The following IL6R variants were observed in gnomAD, a reference collection of about 807,000 sequenced individuals.
IL6R encodes interleukin 6 receptor, also known as interleukin-6 receptor subunit alpha.
Under a neutral mutation model 48.3 loss-of-function variants are expected in IL6R, and 38 were observed. The observed-to-expected ratio is 0.79, with a 90% CI of 0.61 to 1.03. IL6R has a LOEUF of 1.03. Ranked by LOEUF, IL6R falls within the 50% of genes least tolerant of loss-of-function variation. The pLI, the probability that IL6R is intolerant of heterozygous loss-of-function variation, is 0.00. For synonymous variants in IL6R, 264 were observed against 256.2 expected, an observed-to-expected ratio of 1.03 and a Z score of -0.29; for missense variants, 534 against 618.3, an observed-to-expected ratio of 0.86 and a Z score of 1.45.
chr1:154,405,558 C>T lies in IL6R; in HGVS notation c.-72C>T. 3.0e-6 allele frequency: 3 copies of T among 1,005,938 alleles called. No homozygotes were observed. The highest frequency in any genetic ancestry group is 4.3e-6 in the Non-Finnish European group (3 of 704,946). 62.3% of individuals were successfully genotyped at this position (1,005,938 alleles called of 1,614,324 possible). ...GCCCACCGCCCCGCCCCGCCCCTGC[C>T]ACCCCTGCCGCCCGGTTCCCATTAG... On this transcript the variant is annotated 5_prime_UTR_variant, in exon 1 of 10. Coordinates refer to ENST00000368485, the MANE Select transcript of IL6R (RefSeq NM_000565.4). The surrounding 1 kb of genome is among the most constrained non-coding windows in gnomAD (Gnocchi z 5.2).
At chr1:154,418,249 G>T (rs1383903980) in intron 1 of IL6R, among the ~76,000 whole-genome samples, 1 of 152,162 alleles carries the variant, frequency 6.6e-6, no homozygotes, top group African/African-American at 2.4e-5. Flanking sequence ...GAGCCAGGTG[G>T]TTATCTCTGA....
intron 6 of IL6R, among the ~76,000 whole-genome samples, chr1:154,441,242 C>T (rs1689915015): frequency 6.6e-6 from 1 of 152,140 alleles, no homozygotes; most frequent in African/African-American, 2.4e-5. Flanking sequence ...GTGGATGTCC[C>T]TCTTTAAGTT....
At chr1:154,419,008 G>A (rs1688506658) in intron 1 of IL6R, among the ~76,000 whole-genome samples, 1 of 152,082 alleles carries the variant, frequency 6.6e-6, no homozygotes, top group African/African-American at 2.4e-5. Context: ...GAGGGTGGTG[G>A]GGAGCCCAGA....
At chr1:154,444,348 A>G (rs1016955344) in intron 6 of IL6R, among the ~76,000 whole-genome samples, 6 of 151,902 alleles carry the variant, frequency 3.9e-5, no homozygotes, top group Non-Finnish European at 7.4e-5. Context: ...AGCTGGGATT[A>G]CAGGCATGCG....
chr1:154,464,286 C>T (rs1386528553), intron 9 of IL6R, among the ~76,000 whole-genome samples: 1 of 151,922 alleles, frequency 6.6e-6, no homozygotes, highest in East Asian at 1.9e-4. Flanking sequence ...TCCCAAGTAT[C>T]TGGGATTACA....
chr1:154,456,014 G>A (rs544946976), intron 9 of IL6R, among the ~76,000 whole-genome samples: 2 of 151,776 alleles, frequency 1.3e-5, no homozygotes, highest in South Asian at 2.1e-4. Context: ...CCAAGATTGC[G>A]CCACTGCAAT....
At chr1:154,422,135 T>C (rs1191986698) in intron 1 of IL6R, among the ~76,000 whole-genome samples, 1 of 151,920 alleles carries the variant, frequency 6.6e-6, no homozygotes, top group African/African-American at 2.4e-5. Context: ...TAGTATGGGG[T>C]TTCTCCATGT....
chr1:154,422,791 GTGGGAGCATGAGAATGAC>G (rs1688747007), intron 1 of IL6R, among the ~76,000 whole-genome samples: 1 of 152,246 alleles, frequency 6.6e-6, no homozygotes, highest in Non-Finnish European at 1.5e-5. Flanking sequence ...TCAGGCCGGG[GTGGGAGCATGAGAATGAC>G]TGGGCATATC....
intron 6 of IL6R, among the ~76,000 whole-genome samples, chr1:154,444,252 A>G (rs1273433210): frequency 7.3e-6 from 1 of 136,112 alleles, no homozygotes; most frequent in Non-Finnish European, 1.5e-5. Flanking sequence ...CTTGTTGCCT[A>G]GGCTGGAGTG....
chr1:154,425,062 T>C (rs1688885343), intron 1 of IL6R, among the ~76,000 whole-genome samples: 1 of 152,208 alleles, frequency 6.6e-6, no homozygotes, highest in Non-Finnish European at 1.5e-5. Context: ...ACAGTGCTTT[T>C]CTATGCAATG....
At chr1:154,456,428 A>C (rs1399817404) in intron 9 of IL6R, among the ~76,000 whole-genome samples, 1 of 151,938 alleles carries the variant, frequency 6.6e-6, no homozygotes, top group Non-Finnish European at 1.5e-5. Flanking sequence ...GCTGGTCTTG[A>C]TCTCCTGACC....
chr1:154,446,468 G>A (rs981260723), intron 6 of IL6R, among the ~76,000 whole-genome samples: 4 of 152,196 alleles, frequency 2.6e-5, no homozygotes, highest in Non-Finnish European at 2.9e-5. Context: ...AGCGAGGCTC[G>A]TGATTTTTGT....
At position 154,405,528 on chromosome 1, in the gene IL6R, TG is replaced by T; in HGVS notation, c.-101del. ...GCTGCCCCCGGGGCCTGAGCCCGCC[TG>T]CCCGCCCACCGCCCCGCCCCGCCCC... On this transcript the variant is annotated 5_prime_UTR_variant, in exon 1 of 10. Coordinates refer to ENST00000368485, the MANE Select transcript of IL6R (RefSeq NM_000565.4). The surrounding 1 kb of genome is among the most constrained non-coding windows in gnomAD (Gnocchi z 5.2). The T allele has an allele frequency of 5.2e-6, 2 of 383,378 alleles. No homozygotes were observed. Among genetic ancestry groups the T allele is most frequent in the South Asian group, 2.3e-5 (1 of 42,694 alleles). 23.7% of individuals were successfully genotyped at this position (383,378 alleles called of 1,614,324 possible).
At chr1:154,430,215 C>T (rs914757480) in intron 2 of IL6R, among the ~76,000 whole-genome samples, 2 of 152,218 alleles carry the variant, frequency 1.3e-5, no homozygotes, top group Non-Finnish European at 2.9e-5. Flanking sequence ...TCCTCTCTCC[C>T]CTTCAGACAA....
intron 9 of IL6R, among the ~76,000 whole-genome samples, chr1:154,456,206 CTT>C (rs34592707): frequency 1.5e-4 from 20 of 134,968 alleles, no homozygotes; most frequent in Admixed American, 1.5e-4. Context: ...TGAATAGATT[CTT>C]TTTTTTTTTT....
At chr1:154,420,481 C>A (rs1431101343) in intron 1 of IL6R, among the ~76,000 whole-genome samples, 2 of 151,158 alleles carry the variant, frequency 1.3e-5, no homozygotes, top group Non-Finnish European at 3.0e-5. Flanking sequence ...ACCAAGGGGC[C>A]TCCTGCTTGT....
At chr1:154,412,052 G>A (rs1325189869) in intron 1 of IL6R, among the ~76,000 whole-genome samples, 1 of 141,380 alleles carries the variant, frequency 7.1e-6, no homozygotes, top group Admixed American at 7.3e-5. Flanking sequence ...GGTTCACGCA[G>A]TTCTCCTGCC....
chr1:154,430,404 G>A (rs1689226735), intron 2 of IL6R, 79 bp from the exon 3 acceptor site: 9 of 1,562,178 alleles, frequency 5.8e-6, no homozygotes, highest in Non-Finnish European at 7.8e-6. Flanking sequence ...TCCCCTCAAG[G>A]GAGGCTGCCC....
At chr1:154,452,004 C>G (rs934668588) in intron 8 of IL6R, among the ~76,000 whole-genome samples, 32 of 152,184 alleles carry the variant, frequency 2.1e-4, no homozygotes, top group Middle Eastern at 3.4e-3. Context: ...GTGTCCAGTC[C>G]CTCAGCAAGC....
Sources: allele counts gnomAD v4.1 joint callset (sites outside exome capture counted in the v4.1 genomes callset), GRCh38; gene constraint gnomAD v4.1.1; non-coding constraint Gnocchi (gnomAD v3.1); transcripts MANE v1.5; gene names NCBI Gene and HGNC (gene_info 2026-07-23, HGNC 2026-07-21).